Variants in COL24A1 observed in about 807,000 individuals in gnomAD.
COL24A1 encodes the protein collagen type XXIV alpha 1 chain, also known as collagen alpha-1(XXIV) chain.
Under a neutral mutation model 253.9 loss-of-function variants are expected in COL24A1, and 224 were observed. The observed-to-expected ratio is 0.88, with a 90% CI of 0.79 to 0.99. The LOEUF (loss-of-function observed/expected upper bound fraction) is 0.99, where lower values mean the gene tolerates loss of function less well. COL24A1 is among the 50% of genes least tolerant of loss of function. COL24A1 has a pLI of 0.00. For missense variants in COL24A1, 2,131 were observed against 2,068.5 expected (o/e 1.03, Z -0.59); for synonymous variants, 685 against 673.7 (o/e 1.02, Z -0.26).
intron 5 of COL24A1, among the ~76,000 whole-genome samples, chr1:86,111,655 T>A (rs997411269): frequency 3.3e-5 from 5 of 152,002 alleles, no homozygotes; most frequent in Non-Finnish European, 7.4e-5. Flanking sequence ...CTGTGGAAGC[T>A]TTGTTCTTTC....
chr1:85,969,603 T>C (rs1301688555), intron 22 of COL24A1, among the ~76,000 whole-genome samples: 4 of 18,192 alleles, frequency 2.2e-4, no homozygotes, highest in Non-Finnish European at 3.6e-4. Context: ...AGACTCTGTC[T>C]CAAAAAAAAA....
intron 32 of COL24A1, among the ~76,000 whole-genome samples, chr1:85,885,363 G>A (rs1250279896): frequency 7.0e-6 from 1 of 143,380 alleles, no homozygotes; most frequent in Non-Finnish European, 1.5e-5. Flanking sequence ...ACCATGGCTG[G>A]CTAATTTTTG....
intron 7 of COL24A1, among the ~76,000 whole-genome samples, chr1:86,077,759 G>A (rs111497099): frequency 0.01 from 1,548 of 151,886 alleles, 16 homozygotes; most frequent in Admixed American, 0.024. Context: ...AACACTGCAC[G>A]TTCTCACTCA....
intron 37 of COL24A1, among the ~76,000 whole-genome samples, chr1:85,860,445 A>G (rs1679010039): frequency 6.6e-6 from 1 of 152,158 alleles, no homozygotes; most frequent in African/African-American, 2.4e-5. Flanking sequence ...ATTTCATATA[A>G]AAGTACAATA....
At chr1:86,134,834 G>T (rs1649955336) in intron 2 of COL24A1, among the ~76,000 whole-genome samples, 1 of 108,874 alleles carries the variant, frequency 9.2e-6, no homozygotes, top group Non-Finnish European at 1.9e-5. Flanking sequence ...TGTTGATTTG[G>T]GGTGGAGAGT....
At chr1:85,877,555 A>G (rs1454531790) in intron 32 of COL24A1, among the ~76,000 whole-genome samples, 5 of 152,052 alleles carry the variant, frequency 3.3e-5, no homozygotes, top group African/African-American at 1.2e-4. Context: ...TAGAGATGGG[A>G]TTTCACTATG....
chr1:85,734,769 C>T lies in COL24A1; in HGVS notation c.4978G>A (p.Val1660Met). The part of the protein sequence containing the change: ...FKVNTLLEPK[V>M]LSDDCKIQDG... ...CTTACCTTGCAGTCATCTGAAAGCACTTTAGGTTCAAGTAGAGTGTTTACT... is the reference window on the plus strand; with the variant it reads ...CTTACCTTGCAGTCATCTGAAAGCATTTTAGGTTCAAGTAGAGTGTTTACT... Residue 1660 changes from valine (V) to methionine (M), a missense_variant, in exon 59 of 60, where the codon GTG becomes ATG. Physicochemically the swap from Val to Met is conservative, Grantham distance 21. Coordinates refer to ENST00000370571, the MANE Select transcript of COL24A1 (RefSeq NM_152890.7). 1 of 1,614,168 alleles carries T rather than the reference C, an allele frequency of 6.2e-7. No homozygotes were observed. Among genetic ancestry groups the T allele is most frequent in the Non-Finnish European group, 8.5e-7 (1 of 1,180,022 alleles).
chr1:86,142,697 G>T (rs1360335784), intron 2 of COL24A1, among the ~76,000 whole-genome samples: 1 of 151,892 alleles, frequency 6.6e-6, no homozygotes, highest in Admixed American at 6.6e-5. Context: ...CAATACTGAA[G>T]ATTTAATATT....
intron 20 of COL24A1, among the ~76,000 whole-genome samples, chr1:85,974,243 A>G (rs1692444664): frequency 6.6e-6 from 1 of 152,142 alleles, no homozygotes; most frequent in African/African-American, 2.4e-5. Context: ...GTGGTCATCT[A>G]TAGAATACTG....
At chr1:85,848,573 G>A (rs545620750) in intron 38 of COL24A1, among the ~76,000 whole-genome samples, 2 of 152,132 alleles carry the variant, frequency 1.3e-5, no homozygotes, top group African/African-American at 2.4e-5. Flanking sequence ...GCCTCCCAAA[G>A]TGCTGGGATT....
At chr1:85,961,695 C>A (rs1691080928) in intron 23 of COL24A1, among the ~76,000 whole-genome samples, 1 of 152,048 alleles carries the variant, frequency 6.6e-6, no homozygotes, top group African/African-American at 2.4e-5. Context: ...GGTTTAACAC[C>A]AAGCATGACT....
chr1:85,834,340 A>G (rs12759711), intron 43 of COL24A1, among the ~76,000 whole-genome samples: 1 of 151,762 alleles, frequency 6.6e-6, no homozygotes, highest in Non-Finnish European at 1.5e-5. Context: ...AAGAAAGAGA[A>G]AGAAAGAGAG....
At chr1:85,863,310 C>G (rs1208098922) in intron 37 of COL24A1, among the ~76,000 whole-genome samples, 3 of 152,172 alleles carry the variant, frequency 2.0e-5, no homozygotes, top group Non-Finnish European at 4.4e-5. Flanking sequence ...CCCTTTATTT[C>G]TTTCTCCTGC....
intron 47 of COL24A1, among the ~76,000 whole-genome samples, chr1:85,805,744 A>G: frequency 6.6e-6 from 1 of 152,184 alleles, no homozygotes; most frequent in Non-Finnish European, 1.5e-5. Context: ...CATTGTATGA[A>G]TTTTGCCATG....
rs1558235765 is a variant in COL24A1 at position 85,816,901 on chromosome 1, TAATTAAA to T, written c.3844-13_3844-7del. The T allele has an allele frequency of 6.3e-7, 1 of 1,596,982 alleles. No individual in the cohort carries two copies. The highest frequency in any genetic ancestry group is 2.2e-5 in the East Asian group (1 of 44,778). On this transcript the variant is annotated splice_polypyrimidine_tract_variant and splice_region_variant and intron_variant, in intron 46 of 59. Coordinates refer to ENST00000370571, the MANE Select transcript of COL24A1 (RefSeq NM_152890.7). The stretch of plus-strand genomic sequence containing the variant: ...CCAAGTAGGCCTTGAAGTCCCTTGA[TAATTAAA>T]AATTATTTGGATTGTAGAGATGCTG...
chr1:86,049,988 C>T (rs1700183025), intron 11 of COL24A1, 136 bp downstream of exon 11: 2 of 585,986 alleles, frequency 3.4e-6, no homozygotes, highest in Non-Finnish European at 2.9e-6. Context: ...AATTACATTT[C>T]TGGCAGGTGA....
At chr1:85,814,560 A>G (rs1002791905) in intron 47 of COL24A1, among the ~76,000 whole-genome samples, 13 of 152,236 alleles carry the variant, frequency 8.5e-5, no homozygotes, top group African/African-American at 3.1e-4. Flanking sequence ...ATATATTGAA[A>G]CTGGGCCCTA....
chr1:86,051,970 A>G (rs1700337910), intron 10 of COL24A1, among the ~76,000 whole-genome samples: 1 of 151,680 alleles, frequency 6.6e-6, no homozygotes, highest in Non-Finnish European at 1.5e-5. Flanking sequence ...GCTCATAGAG[A>G]AAAAAAGTCT....
chr1:86,001,110 C>T (rs772721913), intron 19 of COL24A1, among the ~76,000 whole-genome samples: 1 of 151,952 alleles, frequency 6.6e-6, no homozygotes, highest in Non-Finnish European at 1.5e-5. Context: ...ATTTACAATT[C>T]CATGAAAAGC....
Sources: allele counts gnomAD v4.1 joint callset (sites outside exome capture counted in the v4.1 genomes callset), GRCh38; gene constraint gnomAD v4.1.1; transcripts MANE v1.5; gene names NCBI Gene and HGNC (gene_info 2026-07-23, HGNC 2026-07-21).